The following RBBP4 variants were observed in gnomAD, a reference collection of about 807,000 sequenced individuals.
RBBP4 encodes histone-binding protein RBBP4.
In RBBP4, 3 loss-of-function variants were observed where a neutral mutation model predicts 57.2. That is an observed-to-expected ratio of 0.05 (90% CI 0.02 to 0.14). The LOEUF is 0.14. RBBP4 is among the 10% of genes least tolerant of loss of function. The pLI is 1.00. For missense variants in RBBP4, 107 were observed against 520.6 expected, an observed-to-expected ratio of 0.21 and a Z score of 7.73; for synonymous variants, 151 against 171.5, an observed-to-expected ratio of 0.88 and a Z score of 0.93.
chr1:32,651,716 G>A, intron 1 of RBBP4, 198 bp from the exon 2 acceptor site: 1 of 800,734 alleles, frequency 1.2e-6, no homozygotes. Flanking sequence ...CCTGGAACGG[G>A]TAACGGAGTG....
rs1428763685 is a variant in RBBP4 at position 32,651,224 on chromosome 1, G to A, written c.-83G>A. ...GGGGGCGCAGGAAACAATAGAGGCC[G>A]CGCGCACAGAGCGAGCTCTTGCAGC... is the stretch of plus-strand genomic sequence containing the variant. On this transcript the variant is annotated 5_prime_UTR_variant, in exon 1 of 12. Transcript: ENST00000373493. 18 of 1,499,080 alleles carry A rather than the reference G, an allele frequency of 1.2e-5. No individual in the cohort carries two copies. The highest frequency in any genetic ancestry group is 1.4e-5 in the Non-Finnish European group (16 of 1,120,554). 92.9% of individuals were successfully genotyped at this position (1,499,080 alleles called of 1,614,324 possible). A position where few individuals can be genotyped will look rare whatever the true frequency, so the allele number is the denominator to read the frequency against.
chr1:32,651,910 T>C lies in RBBP4; in HGVS notation c.17-4T>C, dbSNP rs1647744703. ...TAACTTAAATTTGTTTTTAAAAATTTTAGCAGCCTTCGACGACGCAGTGGA... is the reference window on the plus strand; with the variant it reads ...TAACTTAAATTTGTTTTTAAAAATTCTAGCAGCCTTCGACGACGCAGTGGA... On this transcript the variant is annotated splice_polypyrimidine_tract_variant and splice_region_variant and intron_variant, in intron 1 of 11. Coordinates refer to ENST00000373493, the MANE Select transcript of RBBP4 (RefSeq NM_005610.3). 1.2e-6 allele frequency: 2 copies of C among 1,613,324 alleles called. No homozygotes were observed. The highest frequency in any genetic ancestry group is 1.7e-6 in the Non-Finnish European group (2 of 1,179,720).
intron 3 of RBBP4, among the ~76,000 whole-genome samples, chr1:32,659,275 C>T (rs1390239445): frequency 6.6e-6 from 1 of 151,628 alleles, no homozygotes; most frequent in East Asian, 1.9e-4. Context: ...ATAAACCTTT[C>T]CCTGGCCGGG....
At chr1:32,674,026 G>A (rs889527541) in intron 11 of RBBP4, among the ~76,000 whole-genome samples, 2 of 152,088 alleles carry the variant, frequency 1.3e-5, no homozygotes, top group Non-Finnish European at 2.9e-5. Flanking sequence ...GCGTGAACAC[G>A]GGAGGCGGAG....
chr1:32,666,362 ATTT>A (rs66778777), intron 3 of RBBP4, among the ~76,000 whole-genome samples: 3 of 140,014 alleles, frequency 2.1e-5, no homozygotes, highest in African/African-American at 2.6e-5. Context: ...TGAAAACTTT[ATTT>A]TTTTTTTTTT....
chr1:32,681,787 C>T lies in RBBP4; in HGVS notation c.*2082C>T. The stretch of plus-strand genomic sequence containing the variant: ...GTTGGAAGAGTACATCCAAAGGGTA[C>T]TTAGTGATCCTTTGCTAAGAAGTTT... On this transcript the variant is annotated 3_prime_UTR_variant, in exon 12 of 12. Transcript: ENST00000373493. 4 of 1,613,892 alleles carry T rather than the reference C, an allele frequency of 2.5e-6. No individual in the cohort carries two copies. Among genetic ancestry groups the T allele is most frequent in the Non-Finnish European group, 3.4e-6 (4 of 1,179,792 alleles).
Position 32,683,799 on chromosome 1 carries a change from ATTT to A in RBBP4, c.*4097_*4099del. 1 of 526,690 alleles carries A rather than the reference ATTT, an allele frequency of 1.9e-6. No individual in the cohort carries two copies. The highest frequency in any genetic ancestry group is 1.9e-5 in the African/African-American group (1 of 52,030). 32.6% of individuals were successfully genotyped at this position (526,690 alleles called of 1,614,324 possible). On this transcript the variant is annotated 3_prime_UTR_variant, in exon 12 of 12. Transcript: ENST00000373493. Reference sequence around the variant, plus strand: ...AAGTGCCTGCCACTATGCCCGGCTAATTTTTGTATTTTTAGTGGAGATGGAGTT... The same window carrying A: ...AAGTGCCTGCCACTATGCCCGGCTAATTGTATTTTTAGTGGAGATGGAGTT...
At chr1:32,675,017 G>A (rs1300778221) in intron 11 of RBBP4, among the ~76,000 whole-genome samples, 1 of 151,806 alleles carries the variant, frequency 6.6e-6, no homozygotes, top group Non-Finnish European at 1.5e-5. Context: ...AATTACAGAC[G>A]TGAGCCACCG....
chr1:32,680,597 C>T lies in RBBP4; in HGVS notation c.*892C>T. 2 of 1,365,112 alleles carry T rather than the reference C, an allele frequency of 1.5e-6. No individual in the cohort carries two copies. The highest frequency in any genetic ancestry group is 2.0e-6 in the Non-Finnish European group (2 of 1,003,390). The allele number at this position is 1,365,112 out of a possible 1,614,324, so 84.6% of individuals were successfully genotyped here. A position where few individuals can be genotyped will look rare whatever the true frequency, so the allele number is the denominator to read the frequency against. On this transcript the variant is annotated 3_prime_UTR_variant, in exon 12 of 12. Transcript: ENST00000373493. Reference sequence around the variant, plus strand: ...ACCTGTTTCACCAGCAGGCCTGTTACTCTCCATGACTAACTGTGTAAGTGC... The same window carrying T: ...ACCTGTTTCACCAGCAGGCCTGTTATTCTCCATGACTAACTGTGTAAGTGC...
intron 4 of RBBP4, 102 bp from the exon 5 acceptor site, chr1:32,668,637 A>T: frequency 1.1e-6 from 1 of 947,716 alleles, no homozygotes; most frequent in Non-Finnish European, 1.6e-6. Context: ...TATCATTTAT[A>T]AATGTTAAGA....
At chr1:32,673,229 T>C (rs562849916) in intron 11 of RBBP4, among the ~76,000 whole-genome samples, 4 of 152,182 alleles carry the variant, frequency 2.6e-5, no homozygotes, top group Admixed American at 6.5e-5. Flanking sequence ...CATGTCTGTT[T>C]ACTTCTAGTT....
chr1:32,662,085 T>G (rs1648443771), intron 3 of RBBP4, among the ~76,000 whole-genome samples: 1 of 151,418 alleles, frequency 6.6e-6, no homozygotes, highest in Non-Finnish European at 1.5e-5. Flanking sequence ...GAGGTTTTAC[T>G]ATGTTGGCCA....
chr1:32,653,360 G>T (rs932974522), intron 2 of RBBP4, among the ~76,000 whole-genome samples: 16 of 152,104 alleles, frequency 1.1e-4, no homozygotes, highest in Admixed American at 3.3e-4. Flanking sequence ...TAAGTTTTCT[G>T]AATTACATTC....
chr1:32,672,317 T>G, intron 8 of RBBP4, 133 bp from the exon 9 acceptor site: 1 of 711,748 alleles, frequency 1.4e-6, no homozygotes. Context: ...TAATTTTAAC[T>G]GTAACGTGTA....
At chr1:32,671,515 G>A (rs186832166) in intron 8 of RBBP4, among the ~76,000 whole-genome samples, 79 of 152,088 alleles carry the variant, frequency 5.2e-4, no homozygotes, top group African/African-American at 1.8e-3. Context: ...CATGGGAGGA[G>A]GAGATTGCAG....
At chr1:32,651,596 G>A in intron 1 of RBBP4, 1 of 936,946 alleles carries the variant, frequency 1.1e-6, no homozygotes, top group Non-Finnish European at 1.5e-6. Flanking sequence ...TCTGTCCCGA[G>A]CGTGGGGACA....
In RBBP4 at chr1:32,684,126, G is replaced by C. The variant is rs139922421; in HGVS notation, c.*4421G>C. On this transcript the variant is annotated 3_prime_UTR_variant, in exon 12 of 12. Coordinates refer to ENST00000373493, the MANE Select transcript of RBBP4 (RefSeq NM_005610.3). ...GAGAGCCATTTTCCATGTGTTTTTG[G>C]ATAAGCACAATTTGAAAATCATTTC... 115 of 1,608,522 alleles carry C rather than the reference G, an allele frequency of 7.1e-5. No homozygotes were observed. In the East Asian group the frequency reaches 2.5e-3, roughly 35 times the overall value.
At position 32,661,385 on chromosome 1, in the gene RBBP4, C is replaced by T. The variant is rs370583406; in HGVS notation, c.310+3813C>T. On this transcript the variant is annotated intron_variant, in intron 3 of 11. Transcript: ENST00000373493. ...TCTCAACTCACTGCACTCTCCGCCT[C>T]CCAGGTTCAAGCAGTTCTTCTGCCT... Among the ~76,000 whole-genome samples the T allele has an allele frequency of 4.0e-5, 6 of 150,846 alleles. No homozygotes were observed. In the East Asian group the frequency reaches 5.8e-4, roughly 15 times the overall value.
Position 32,672,442 on chromosome 1 carries a change from A to G in RBBP4, c.967-8A>G, listed in dbSNP as rs750021589. 8 of 1,577,126 alleles carry G rather than the reference A, an allele frequency of 5.1e-6. No homozygotes were observed. The highest frequency in any genetic ancestry group is 4.1e-5 in the African/African-American group (3 of 73,696). On this transcript the variant is annotated splice_region_variant and splice_polypyrimidine_tract_variant and intron_variant, in intron 8 of 11. Coordinates refer to ENST00000373493, the MANE Select transcript of RBBP4 (RefSeq NM_005610.3). ...TGGCTTTGCTCTTTTCTTCATTCCT[A>G]TGTGTAGGTTCAGTGGTCACCTCAC...
Sources: gnomAD v4.1 joint callset for allele counts (sites outside exome capture counted in the v4.1 genomes callset) on GRCh38, gnomAD v4.1.1 for gene constraint, MANE v1.5 for transcripts, NCBI Gene and HGNC (gene_info 2026-07-23, HGNC 2026-07-21) for gene names.